Variants in PCDHGA5 observed in about 807,000 individuals in gnomAD.
PCDHGA5 encodes protocadherin gamma subfamily A, 5, also known as protocadherin gamma-A5.
In PCDHGA5, 36 loss-of-function variants were observed where a neutral mutation model predicts 56.7. That is an observed-to-expected ratio of 0.64 (90% confidence interval 0.49 to 0.84). The LOEUF is 0.84. Ranked by LOEUF, PCDHGA5 falls within the 40% of genes least tolerant of loss-of-function variation. The pLI is 0.00. For synonymous variants in PCDHGA5, 563 were observed against 520.2 expected, an observed-to-expected ratio of 1.08 and a Z score of -1.12; for missense variants, 1,305 against 1,201.5, an observed-to-expected ratio of 1.09 and a Z score of -1.27.
In PCDHGA5 at chr5:141,461,525, A is replaced by T. The variant is rs966592635; in HGVS notation, c.2422-33282A>T. ...TTGGTGATTTGTTAGTTCCTTGTAGATTCTGGATACTAGTCCTTTGTCAGA... is the reference window on the plus strand; with the variant it reads ...TTGGTGATTTGTTAGTTCCTTGTAGTTTCTGGATACTAGTCCTTTGTCAGA... On this transcript the variant is annotated intron_variant, in intron 1 of 3. Coordinates refer to ENST00000518069, the MANE Select transcript of PCDHGA5 (RefSeq NM_018918.3). 5.3e-5 allele frequency among the ~76,000 whole-genome samples: 8 copies of T among 152,106 alleles called. No individual in the cohort carries two copies. The South Asian group carries it at 1.7e-3, about 31-fold the overall frequency.
intron 1 of PCDHGA5, chr5:141,410,048 C>T (rs1471679304): frequency 4.3e-6 from 7 of 1,613,042 alleles, no homozygotes; most frequent in Non-Finnish European, 4.2e-6. Flanking sequence ...TGAGCCCGGA[C>T]TCTTCAGCCT....
intron 1 of PCDHGA5, chr5:141,394,056 G>C (rs776550132): frequency 6.2e-7 from 1 of 1,613,734 alleles, no homozygotes; most frequent in Non-Finnish European, 8.5e-7. Flanking sequence ...CCGAGAAAAT[G>C]TCTCTATCTA....
In PCDHGA5 at chr5:141,487,493, C is replaced by T; in HGVS notation, c.2422-7314C>T. 6.2e-7 allele frequency: 1 copy of T among 1,614,168 alleles called. No individual in the cohort carries two copies. The highest frequency in any genetic ancestry group is 1.1e-5 in the South Asian group (1 of 91,088). On this transcript the variant is annotated intron_variant, in intron 1 of 3. Coordinates refer to ENST00000518069, the MANE Select transcript of PCDHGA5 (RefSeq NM_018918.3). The surrounding 1 kb of genome is among the most constrained non-coding windows in gnomAD (Gnocchi z 5.0). ...GGGAGGCCACTCTCATGGCTGTACA[C>T]CCTTGGCTTCTGCACCCACTCGGAG...
chr5:141,444,008 A>G (rs2098413646), intron 1 of PCDHGA5, among the ~76,000 whole-genome samples: 2 of 152,140 alleles, frequency 1.3e-5, no homozygotes, highest in Non-Finnish European at 2.9e-5. Context: ...CTACCTGGGT[A>G]TTGGCTTCTA....
chr5:141,420,225 C>G, intron 1 of PCDHGA5: 1 of 1,603,470 alleles, frequency 6.2e-7, no homozygotes. Flanking sequence ...ATGCTACTGG[C>G]TAGCATTTTA....
In PCDHGA5 at chr5:141,432,645, C is replaced by T. The variant is rs758701539; in HGVS notation, c.2422-62162C>T. On this transcript the variant is annotated intron_variant, in intron 1 of 3. Coordinates refer to ENST00000518069, the MANE Select transcript of PCDHGA5 (RefSeq NM_018918.3). The surrounding 1 kb of genome is among the most constrained non-coding windows in gnomAD (Gnocchi z 6.0). Reference sequence around the variant, plus strand: ...CTGCACACGGGCGAGGTGCGCACGGCGCGAGCCCTGCTGGACAGAGACGCG... The same window carrying T: ...CTGCACACGGGCGAGGTGCGCACGGTGCGAGCCCTGCTGGACAGAGACGCG... 1 of 1,613,746 alleles carries T rather than the reference C, an allele frequency of 6.2e-7. No homozygotes were observed. Among genetic ancestry groups the T allele is most frequent in the Admixed American group, 1.7e-5 (1 of 60,006 alleles).
Position 141,487,278 on chromosome 5 carries a change from T to G in PCDHGA5, c.2422-7529T>G. 6 of 1,614,180 alleles carry G rather than the reference T, an allele frequency of 3.7e-6. No individual in the cohort carries two copies. Among genetic ancestry groups the G allele is most frequent in the Non-Finnish European group, 5.1e-6 (6 of 1,180,040 alleles). On this transcript the variant is annotated intron_variant, in intron 1 of 3. Coordinates refer to ENST00000518069, the MANE Select transcript of PCDHGA5 (RefSeq NM_018918.3). The surrounding 1 kb of genome is among the most constrained non-coding windows in gnomAD (Gnocchi z 5.0). Reference sequence around the variant, plus strand: ...GCTGTGTCCCTAGTGGCAATTTGCTTTGTCTCCTTTGGCTCATTCGTGGCA... The same window carrying G: ...GCTGTGTCCCTAGTGGCAATTTGCTGTGTCTCCTTTGGCTCATTCGTGGCA...
intron 1 of PCDHGA5, among the ~76,000 whole-genome samples, chr5:141,406,639 A>G (rs1301755864): frequency 6.6e-6 from 1 of 152,208 alleles, no homozygotes; most frequent in Non-Finnish European, 1.5e-5. Flanking sequence ...AAAGGTCTTA[A>G]TTTCCTAATG....
At chr5:141,468,995 T>G (rs533843461) in intron 1 of PCDHGA5, among the ~76,000 whole-genome samples, 1 of 147,628 alleles carries the variant, frequency 6.8e-6, no homozygotes, top group Non-Finnish European at 1.5e-5. Context: ...TTATTGTTTT[T>G]GCTGGGTGCG....
intron 1 of PCDHGA5, chr5:141,394,883 A>G (rs370442493): frequency 1.2e-6 from 2 of 1,611,604 alleles, no homozygotes; most frequent in African/African-American, 2.7e-5. Context: ...CGAGCCTTAC[A>G]CTCTATCTCG....
intron 1 of PCDHGA5, among the ~76,000 whole-genome samples, chr5:141,474,669 C>T (rs983136753): frequency 6.6e-6 from 1 of 152,198 alleles, no homozygotes; most frequent in Non-Finnish European, 1.5e-5. Flanking sequence ...CCTACCTAAC[C>T]TATGTGCCTA....
Position 141,512,160 on chromosome 5 carries a change from G to A in PCDHGA5, c.*987G>A, listed in dbSNP as rs1227447365. On this transcript the variant is annotated 3_prime_UTR_variant, in exon 4 of 4. Coordinates refer to ENST00000518069, the MANE Select transcript of PCDHGA5 (RefSeq NM_018918.3). ...CAGCCAGCTTTGGGCTGAGCTAACA[G>A]GACCAATGGATTAAACTGGCATTTC... 1 of 152,730 alleles carries A rather than the reference G, an allele frequency of 6.5e-6. No individual in the cohort carries two copies. Among genetic ancestry groups the A allele is most frequent in the African/African-American group, 2.4e-5 (1 of 41,456 alleles). The allele number at this position is 152,730 out of a possible 1,614,324, so 9.5% of individuals were successfully genotyped here.
Position 141,486,585 on chromosome 5 carries a change from G to A in PCDHGA5, c.2422-8222G>A. The A allele has an allele frequency of 6.2e-7, 1 of 1,613,708 alleles. No individual in the cohort carries two copies. The highest frequency in any genetic ancestry group is 1.1e-5 in the South Asian group (1 of 91,080). ...TTTGTTCCTGAGAACAATCGCCCAG[G>A]GGACCTGCTTTGCTCCCTTGCAGCC... On this transcript the variant is annotated intron_variant, in intron 1 of 3. Transcript: ENST00000518069. The surrounding 1 kb of genome is among the most constrained non-coding windows in gnomAD (Gnocchi z 5.0).
rs2099684984 is a variant in PCDHGA5 at position 141,489,278 on chromosome 5, G to A, written c.2422-5529G>A. ...ACACTCCCACAGCTCGCTGGGAAAT[G>A]GCAAGTGCTGTGCATGTTGTCCTTG... is the stretch of plus-strand genomic sequence containing the variant. On this transcript the variant is annotated intron_variant, in intron 1 of 3. Transcript: ENST00000518069. The surrounding 1 kb of genome is among the most constrained non-coding windows in gnomAD (Gnocchi z 4.5). The A allele has an allele frequency of 6.4e-7, 1 of 1,561,298 alleles. No homozygotes were observed. The highest frequency in any genetic ancestry group is 2.2e-5 in the East Asian group (1 of 44,520).
intron 1 of PCDHGA5, chr5:141,393,177 G>A (rs1330463387): frequency 6.2e-7 from 1 of 1,613,292 alleles, no homozygotes; most frequent in South Asian, 1.1e-5. Flanking sequence ...GGTAGAAATA[G>A]AAATAATTGA....
At position 141,511,241 on chromosome 5, in the gene PCDHGA5, C is replaced by G; in HGVS notation, c.*68C>G. ...CCAGCCCAGCTTCTCCTTACCTGCA[C>G]CCAGGCCTCAGAGTTTCAGGGCTAA... On this transcript the variant is annotated 3_prime_UTR_variant, in exon 4 of 4. Transcript: ENST00000518069. 1 of 1,585,214 alleles carries G rather than the reference C, an allele frequency of 6.3e-7. No individual in the cohort carries two copies. The highest frequency in any genetic ancestry group is 1.1e-5 in the South Asian group (1 of 87,760).
chr5:141,384,020 G>A (rs1158407540), intron 1 of PCDHGA5: 2 of 1,613,612 alleles, frequency 1.2e-6, no homozygotes, highest in Admixed American at 3.3e-5. Flanking sequence ...CTACAAGACA[G>A]AGATTCTGGA....
At chr5:141,429,468 A>G (rs2097217267) in intron 1 of PCDHGA5, among the ~76,000 whole-genome samples, 1 of 152,048 alleles carries the variant, frequency 6.6e-6, no homozygotes, top group Admixed American at 6.6e-5. Flanking sequence ...TCCCACCTCA[A>G]TCTCCAGAGT....
In PCDHGA5 at chr5:141,418,490, G is replaced by A. The variant is rs1473964718; in HGVS notation, c.2421+51739G>A. On this transcript the variant is annotated intron_variant, in intron 1 of 3. Coordinates refer to ENST00000518069, the MANE Select transcript of PCDHGA5 (RefSeq NM_018918.3). Reference sequence around the variant, plus strand: ...AGAAACGCAGAGCGCTCACCACTTGGTACTGACCGCCTTAGATGGTGGGGA... The same window carrying A: ...AGAAACGCAGAGCGCTCACCACTTGATACTGACCGCCTTAGATGGTGGGGA... 5.6e-6 allele frequency: 9 copies of A among 1,613,996 alleles called. No homozygotes were observed. In the East Asian group the frequency reaches 1.6e-4, roughly 28 times the overall value.
Sources: allele counts gnomAD v4.1 joint callset (sites outside exome capture counted in the v4.1 genomes callset), GRCh38; gene constraint gnomAD v4.1.1; non-coding constraint Gnocchi (gnomAD v3.1); transcripts MANE v1.5; gene names NCBI Gene and HGNC (gene_info 2026-07-23, HGNC 2026-07-21).